EXOC4: variants seen among roughly 807,000 people sequenced by gnomAD.
The protein encoded by EXOC4 is SEC8-like 1.
A neutral mutation model predicts 107.2 loss-of-function variants in EXOC4; 71 were observed. The observed-to-expected ratio is 0.66, with a 90% CI of 0.55 to 0.81. EXOC4 has a LOEUF of 0.81. Among genes scored for constraint, EXOC4 ranks in the 30% least tolerant of loss-of-function variants. The pLI, the probability that EXOC4 is intolerant of heterozygous loss-of-function variation, is 0.00. For missense variants in EXOC4, 1,108 were observed against 1,189.6 expected (o/e 0.93, Z 1.01); for synonymous variants, 456 against 441.2 (o/e 1.03, Z -0.42).
At chr7:133,598,331 CTTTG>C (rs928189367) in intron 9 of EXOC4, among the ~76,000 whole-genome samples, 4 of 152,136 alleles carry the variant, frequency 2.6e-5, no homozygotes, top group Admixed American at 6.5e-5. Flanking sequence ...AGTATTTGGA[CTTTG>C]TTTATCTCCC....
chr7:133,755,929 G>C (rs1795907586), intron 10 of EXOC4, among the ~76,000 whole-genome samples: 2 of 152,106 alleles, frequency 1.3e-5, no homozygotes, highest in African/African-American at 4.8e-5. Context: ...TATTACCAGA[G>C]TCTGCATGGT....
At chr7:133,954,965 T>C (rs1417689372) in intron 14 of EXOC4, among the ~76,000 whole-genome samples, 1 of 152,212 alleles carries the variant, frequency 6.6e-6, no homozygotes, top group Non-Finnish European at 1.5e-5. Context: ...CACGGAAGTT[T>C]GGAGACACCA....
chr7:133,460,001 A>G (rs1435061547), intron 7 of EXOC4, among the ~76,000 whole-genome samples: 2 of 152,228 alleles, frequency 1.3e-5, no homozygotes, highest in African/African-American at 2.4e-5. Flanking sequence ...ATTGGATGCC[A>G]GAAATACCAG....
rs183749713 is a variant in EXOC4, at chr7:133,419,321, A to G, written c.1182+44319A>G. Among the ~76,000 whole-genome samples, 35 of 152,288 alleles carry G rather than the reference A, an allele frequency of 2.3e-4. 1 individual carries two copies. Among genetic ancestry groups the G allele is most frequent in the Admixed American group, 8.5e-4 (13 of 15,300 alleles). Reference sequence around the variant, plus strand: ...AAGAGGAGGAAAGGAGACTCATGGTATGGAACAGATTAAGGACTTATTTAC... The same window carrying G: ...AAGAGGAGGAAAGGAGACTCATGGTGTGGAACAGATTAAGGACTTATTTAC... On this transcript the variant is annotated intron_variant, in intron 7 of 17. Coordinates refer to ENST00000253861, the MANE Select transcript of EXOC4 (RefSeq NM_021807.4).
chr7:133,318,560 C>A (rs989299073), intron 5 of EXOC4, among the ~76,000 whole-genome samples: 31 of 151,938 alleles, frequency 2.0e-4, no homozygotes, highest in African/African-American at 7.5e-4. Context: ...AAAATTAGTT[C>A]TTATAGTTCT....
At chr7:133,438,247 G>T (rs144137805) in intron 7 of EXOC4, among the ~76,000 whole-genome samples, 1 of 152,124 alleles carries the variant, frequency 6.6e-6, no homozygotes, top group East Asian at 1.9e-4. Context: ...GTCTCATATG[G>T]TACCCCTGGC....
At chr7:133,955,154 G>A (rs946237083) in intron 14 of EXOC4, among the ~76,000 whole-genome samples, 5 of 152,152 alleles carry the variant, frequency 3.3e-5, no homozygotes, top group East Asian at 3.9e-4. Flanking sequence ...CCTGCCATTC[G>A]GCAGGTCCTG....
At chr7:133,405,525 G>A (rs1309963140) in intron 7 of EXOC4, among the ~76,000 whole-genome samples, 1 of 152,030 alleles carries the variant, frequency 6.6e-6, no homozygotes, top group African/African-American at 2.4e-5. Flanking sequence ...ACCACATTAA[G>A]GTGGTATTTG....
At chr7:133,263,311 T>C (rs1386162959) in intron 1 of EXOC4, among the ~76,000 whole-genome samples, 6 of 151,994 alleles carry the variant, frequency 3.9e-5, no homozygotes, top group Non-Finnish European at 8.8e-5. Context: ...AAGCCAATTG[T>C]AATTGTTAAA....
intron 10 of EXOC4, among the ~76,000 whole-genome samples, chr7:133,694,267 A>T (rs939981295): frequency 6.6e-6 from 1 of 151,926 alleles, no homozygotes; most frequent in Non-Finnish European, 1.5e-5. Context: ...CTCAAAAAAA[A>T]AAAAAAAAAA....
intron 9 of EXOC4, among the ~76,000 whole-genome samples, chr7:133,572,548 C>G (rs1483769564): frequency 6.6e-6 from 1 of 152,076 alleles, no homozygotes; most frequent in Non-Finnish European, 1.5e-5. Flanking sequence ...AATTGATAGT[C>G]TTCCTGTGTG....
At chr7:133,582,897 C>T (rs1801311080) in intron 9 of EXOC4, among the ~76,000 whole-genome samples, 1 of 152,138 alleles carries the variant, frequency 6.6e-6, no homozygotes, top group Admixed American at 6.5e-5. Flanking sequence ...AAGTTGCATT[C>T]TTTGCAGATG....
intron 11 of EXOC4, among the ~76,000 whole-genome samples, chr7:133,855,072 A>AAT (rs368720520): frequency 1.8e-5 from 1 of 57,094 alleles, no homozygotes; most frequent in Admixed American, 1.6e-4. Flanking sequence ...AATATATCTA[A>AAT]ATATATCTAA....
chr7:133,578,832 G>C (rs1321760107), intron 9 of EXOC4, among the ~76,000 whole-genome samples: 2 of 152,098 alleles, frequency 1.3e-5, no homozygotes. Context: ...CAGGTGTTAA[G>C]GTGGTGTTGA....
chr7:133,591,325 C>A (rs1274119056), intron 9 of EXOC4, among the ~76,000 whole-genome samples: 1 of 152,138 alleles, frequency 6.6e-6, no homozygotes, highest in Non-Finnish European at 1.5e-5. Context: ...AGCCTTGGCA[C>A]CCCAGCCTTC....
At chr7:134,058,424 G>A (rs908126526) in intron 17 of EXOC4, among the ~76,000 whole-genome samples, 1 of 152,144 alleles carries the variant, frequency 6.6e-6, no homozygotes, top group Non-Finnish European at 1.5e-5. Context: ...TGGAAAGAAA[G>A]GTTACTTCAT....
intron 10 of EXOC4, among the ~76,000 whole-genome samples, chr7:133,691,777 G>C (rs1208172904): frequency 6.6e-6 from 1 of 152,202 alleles, no homozygotes; most frequent in Admixed American, 6.5e-5. Flanking sequence ...TTCCTGGGGA[G>C]ATGTATTCAA....
intron 9 of EXOC4, among the ~76,000 whole-genome samples, chr7:133,541,693 T>C (rs571556150): frequency 4.6e-4 from 70 of 151,740 alleles, no homozygotes; most frequent in Non-Finnish European, 6.6e-4. Flanking sequence ...TTTGTAGACA[T>C]GGGGGTCTTA....
At chr7:133,413,924 C>T (rs1330354998) in intron 7 of EXOC4, among the ~76,000 whole-genome samples, 3 of 152,016 alleles carry the variant, frequency 2.0e-5, no homozygotes, top group Non-Finnish European at 2.9e-5. Context: ...GACAGTGTAA[C>T]AGAGAAGACA....
Sources: allele counts gnomAD v4.1 joint callset (sites outside exome capture counted in the v4.1 genomes callset), GRCh38; gene constraint gnomAD v4.1.1; transcripts MANE v1.5; gene names NCBI Gene and HGNC (gene_info 2026-07-23, HGNC 2026-07-21).